The following TYW1 variants were observed in gnomAD, a reference collection of about 807,000 sequenced individuals.
TYW1 encodes the protein tRNA-yW synthesizing protein 1 homolog.
Under a neutral mutation model 96.2 loss-of-function variants are expected in TYW1, and 46 were observed. The ratio of observed to expected loss-of-function variants is 0.48; its 90% confidence interval spans 0.38 to 0.61. The LOEUF (loss-of-function observed/expected upper bound fraction) is 0.61, where lower values mean the gene tolerates loss of function less well. Ranked by LOEUF, TYW1 falls within the 20% of genes least tolerant of loss-of-function variation. The pLI, the probability that TYW1 is intolerant of heterozygous loss-of-function variation, is 0.00. For synonymous variants in TYW1, 274 were observed against 323.0 expected (o/e 0.85, Z 1.63); for missense variants, 684 against 909.6 (o/e 0.75, Z 3.19).
rs879174045 is a variant in TYW1 at position 67,061,917 on chromosome 7, C to A, written c.1156-5368C>A. On this transcript the variant is annotated intron_variant, in intron 9 of 15. Transcript: ENST00000359626. ...CAAAAATGAAAAGTCACAAACACAT[C>A]ATCGTCATTAATTACTTAATTTGAA... Among the ~76,000 whole-genome samples, 6 of 152,290 alleles carry A rather than the reference C, an allele frequency of 3.9e-5. No homozygotes were observed. In the South Asian group the frequency reaches 1.2e-3, roughly 32 times the overall value.
chr7:67,234,414 C>T (rs888694469), intron 15 of TYW1, among the ~76,000 whole-genome samples: 16 of 151,442 alleles, frequency 1.1e-4, no homozygotes, highest in Admixed American at 2.6e-4. Flanking sequence ...ACTCACTTTC[C>T]GTGTACATGT....
At chr7:67,226,911 C>T (rs1801578228) in intron 15 of TYW1, among the ~76,000 whole-genome samples, 1 of 152,158 alleles carries the variant, frequency 6.6e-6, no homozygotes, top group Admixed American at 6.5e-5. Flanking sequence ...TTCATCAATA[C>T]TTCCCCTGCT....
intron 13 of TYW1, among the ~76,000 whole-genome samples, chr7:67,149,722 A>AATATC (rs762217563): frequency 2.9e-5 from 4 of 140,236 alleles, no homozygotes; most frequent in East Asian, 4.2e-4. Flanking sequence ...AGGAAAAAAA[A>AATATC]TATCTATCTA....
intron 4 of TYW1, among the ~76,000 whole-genome samples, chr7:67,012,065 A>G (rs1294519458): frequency 6.6e-6 from 1 of 151,944 alleles, no homozygotes; most frequent in African/African-American, 2.4e-5. Flanking sequence ...TAAAAAAAAT[A>G]GAGGCCAGGC....
At chr7:67,048,386 A>G (rs1795253933) in intron 7 of TYW1, among the ~76,000 whole-genome samples, 1 of 150,640 alleles carries the variant, frequency 6.6e-6, no homozygotes, top group Non-Finnish European at 1.5e-5. Flanking sequence ...TGGTAGGGCC[A>G]CTGCCTGGAT....
intron 7 of TYW1, among the ~76,000 whole-genome samples, chr7:67,029,415 G>GTGTGTGTGTGTGTA (rs1241213574): frequency 5.3e-5 from 5 of 94,320 alleles, no homozygotes; most frequent in African/African-American, 1.5e-4. Context: ...GTGTGTGTGT[G>GTGTGTGTGTGTGTA]TATATATATA....
chr7:67,156,145 G>C (rs917138162), intron 13 of TYW1, among the ~76,000 whole-genome samples: 8 of 152,166 alleles, frequency 5.3e-5, no homozygotes, highest in Admixed American at 2.0e-4. Flanking sequence ...GGTGGCTGTG[G>C]GGTCCTGGTC....
chr7:66,998,251 G>A (rs1793262811), intron 2 of TYW1, 56 bp downstream of exon 2: 4 of 1,549,586 alleles, frequency 2.6e-6, no homozygotes, highest in Non-Finnish European at 3.5e-6. Flanking sequence ...TTTTATAGAG[G>A]ATTTAAATAC....
chr7:67,048,191 T>C (rs920046357), intron 7 of TYW1, among the ~76,000 whole-genome samples: 1 of 146,634 alleles, frequency 6.8e-6, no homozygotes, highest in Non-Finnish European at 1.5e-5. Flanking sequence ...TGGGCCATCC[T>C]CCCCTAGGTA....
intron 13 of TYW1, among the ~76,000 whole-genome samples, chr7:67,132,070 C>T (rs12532208): frequency 0.041 from 6,233 of 151,828 alleles, 185 homozygotes; most frequent in Middle Eastern, 0.1. Context: ...ACAGACACAC[C>T]CAGGAGCAAT....
At chr7:67,115,454 T>G (rs1399844362) in intron 12 of TYW1, among the ~76,000 whole-genome samples, 3 of 152,178 alleles carry the variant, frequency 2.0e-5, no homozygotes, top group African/African-American at 7.2e-5. Flanking sequence ...GCAGAGGCAT[T>G]AAAGCAATGA....
At chr7:67,155,851 T>C (rs1798953787) in intron 13 of TYW1, among the ~76,000 whole-genome samples, 1 of 152,190 alleles carries the variant, frequency 6.6e-6, no homozygotes. Flanking sequence ...CTTCCAATTT[T>C]ATGGATTAGC....
At chr7:67,055,745 A>AG in intron 8 of TYW1, 90 bp from the exon 9 acceptor site, 1 of 1,160,948 alleles carries the variant, frequency 8.6e-7, no homozygotes, top group Non-Finnish European at 1.2e-6. Flanking sequence ...TTAGCAAAAA[A>AG]AAAAAAAAAT....
intron 15 of TYW1, among the ~76,000 whole-genome samples, chr7:67,210,851 C>A (rs918789282): frequency 6.6e-6 from 1 of 151,588 alleles, no homozygotes; most frequent in African/African-American, 2.4e-5. Context: ...TCAATCCATC[C>A]ATCCACCTTC....
chr7:67,094,651 AGTGTGTGTGTGTGTGTGT>A (rs56069939), intron 11 of TYW1, among the ~76,000 whole-genome samples: 1 of 141,600 alleles, frequency 7.1e-6, no homozygotes, highest in South Asian at 2.3e-4. Context: ...AGAGAATTAG[AGTGTGTGTGTGTGTGTGT>A]GTGTGTGTGT....
chr7:67,193,786 C>G (rs1800299932), intron 14 of TYW1, among the ~76,000 whole-genome samples: 1 of 149,660 alleles, frequency 6.7e-6, no homozygotes, highest in Non-Finnish European at 1.5e-5. Context: ...AATTCAGTGT[C>G]ATTCTGCATT....
intron 10 of TYW1, among the ~76,000 whole-genome samples, chr7:67,081,368 C>T (rs4096550): frequency 1.4e-4 from 21 of 149,448 alleles, no homozygotes; most frequent in African/African-American, 3.7e-4. Context: ...TTTTAGAATT[C>T]TCTTTGTCAT....
At chr7:67,184,223 T>TAC (rs1169587452) in intron 14 of TYW1, among the ~76,000 whole-genome samples, 2 of 152,224 alleles carry the variant, frequency 1.3e-5, no homozygotes, top group Non-Finnish European at 2.9e-5. Context: ...TTTTTCCTCT[T>TAC]AGAAATCACT....
At chr7:67,065,422 G>A (rs1009213128) in intron 9 of TYW1, among the ~76,000 whole-genome samples, 1 of 152,204 alleles carries the variant, frequency 6.6e-6, no homozygotes, top group Non-Finnish European at 1.5e-5. Flanking sequence ...GAAGTGTACA[G>A]TTCTTCAGCT....
Sources: allele counts gnomAD v4.1 joint callset (sites outside exome capture counted in the v4.1 genomes callset), GRCh38; gene constraint gnomAD v4.1.1; transcripts MANE v1.5; gene names NCBI Gene and HGNC (gene_info 2026-07-23, HGNC 2026-07-21).